MLLT3: variants seen among roughly 807,000 people sequenced by gnomAD.
MLLT3 encodes protein AF-9.
In MLLT3, 4 loss-of-function variants were observed where a neutral mutation model predicts 53.2. The ratio of observed to expected loss-of-function variants is 0.08; its 90% CI spans 0.04 to 0.17. The LOEUF (loss-of-function observed/expected upper bound fraction) is 0.17. Among genes scored for constraint, MLLT3 ranks in the 10% least tolerant of loss-of-function variants. MLLT3 has a pLI of 1.00. For missense variants in MLLT3, 569 were observed against 684.0 expected (o/e 0.83, Z 1.87); for synonymous variants, 283 against 230.6 (o/e 1.23, Z -2.06).
chr9:20,377,743 T>C (rs929569129), intron 5 of MLLT3, among the ~76,000 whole-genome samples: 2 of 152,152 alleles, frequency 1.3e-5, no homozygotes, highest in East Asian at 1.9e-4. Flanking sequence ...TTTACTATCA[T>C]GGCAGTGGCA....
At chr9:20,502,493 G>A (rs1825272210) in intron 2 of MLLT3, among the ~76,000 whole-genome samples, 1 of 152,124 alleles carries the variant, frequency 6.6e-6, no homozygotes, top group Admixed American at 6.5e-5. Context: ...TTCCACATCT[G>A]TGGATTCAAC....
At chr9:20,494,733 T>C (rs1825033704) in intron 2 of MLLT3, among the ~76,000 whole-genome samples, 1 of 152,170 alleles carries the variant, frequency 6.6e-6, no homozygotes, top group African/African-American at 2.4e-5. Flanking sequence ...ACCACGGACA[T>C]TTTCTCAATA....
chr9:20,440,342 T>C (rs889556923), intron 4 of MLLT3, among the ~76,000 whole-genome samples: 3 of 152,124 alleles, frequency 2.0e-5, no homozygotes, highest in Admixed American at 6.5e-5. Flanking sequence ...CCCCTGAAAA[T>C]GAACCACATA....
At chr9:20,468,594 T>C (rs1323253695) in intron 2 of MLLT3, among the ~76,000 whole-genome samples, 1 of 152,228 alleles carries the variant, frequency 6.6e-6, no homozygotes, top group East Asian at 1.9e-4. Flanking sequence ...AGTCCTGTGA[T>C]GCAGTAAAAG....
Position 20,569,894 on chromosome 9 carries a change from T to C in MLLT3, c.193+50760A>G, listed in dbSNP as rs1819485012. Among the ~76,000 whole-genome samples, 3 of 152,182 alleles carry C rather than the reference T, an allele frequency of 2.0e-5. No homozygotes were observed. In the South Asian group the frequency reaches 6.2e-4, roughly 31 times the overall value. On this transcript the variant is annotated intron_variant, in intron 2 of 10. Coordinates refer to ENST00000380338, the MANE Select transcript of MLLT3 (RefSeq NM_004529.4). Reference sequence around the variant, plus strand: ...TCCCCACCTAATGCGCTGTGGTCTGTACCTGCAAACATCCTTTCTCCTCCA... The same window carrying C: ...TCCCCACCTAATGCGCTGTGGTCTGCACCTGCAAACATCCTTTCTCCTCCA...
chr9:20,395,240 T>C (rs1822293157), intron 5 of MLLT3, among the ~76,000 whole-genome samples: 1 of 152,198 alleles, frequency 6.6e-6, no homozygotes, highest in African/African-American at 2.4e-5. Context: ...ATACTGGGTA[T>C]TTCAAATGGG....
chr9:20,605,660 A>T (rs1337114343), intron 2 of MLLT3, among the ~76,000 whole-genome samples: 1 of 152,078 alleles, frequency 6.6e-6, no homozygotes, highest in Non-Finnish European at 1.5e-5. Context: ...ACATAATTCC[A>T]ATCATGTTTA....
chr9:20,612,668 GA>G (rs1820730333), intron 2 of MLLT3, among the ~76,000 whole-genome samples: 1 of 151,820 alleles, frequency 6.6e-6, no homozygotes, highest in African/African-American at 2.4e-5. Context: ...AGTCAATAAA[GA>G]GGAAATCAAA....
intron 5 of MLLT3, among the ~76,000 whole-genome samples, chr9:20,380,965 G>T (rs1256188772): frequency 6.6e-6 from 1 of 151,970 alleles, no homozygotes; most frequent in African/African-American, 2.4e-5. Context: ...CTGAGAATGG[G>T]CTGAGCAATG....
intron 6 of MLLT3, among the ~76,000 whole-genome samples, chr9:20,365,295 A>G (rs528685837): frequency 1.3e-5 from 2 of 152,200 alleles, no homozygotes; most frequent in Non-Finnish European, 2.9e-5. Flanking sequence ...ATAAAACAGT[A>G]TAAGGTGATA....
Position 20,448,072 on chromosome 9 carries a change from G to C in MLLT3, c.420+51C>G. 3.8e-6 allele frequency: 5 copies of C among 1,331,336 alleles called. No homozygotes were observed. The highest frequency in any genetic ancestry group is 5.1e-6 in the Non-Finnish European group (5 of 978,592). The allele number at this position is 1,331,336 out of a possible 1,614,324, so 82.5% of individuals were successfully genotyped here. ...AACTAGTTTGTTTGTTTTTTTTTTT[G>C]TTGTTGTTGTTTTTTAATAGGAATG... On this transcript the variant is annotated intron_variant, in intron 4 of 10. Transcript: ENST00000380338. This position sits in a 1 kb window ranked among gnomAD's most constrained non-coding sequence, Gnocchi z 4.0.
At chr9:20,508,434 A>G (rs924444275) in intron 2 of MLLT3, among the ~76,000 whole-genome samples, 10 of 152,188 alleles carry the variant, frequency 6.6e-5, no homozygotes, top group African/African-American at 2.4e-4. Context: ...CGCAGTGCCA[A>G]CACTATCATC....
chr9:20,521,129 T>C (rs188719151), intron 2 of MLLT3, among the ~76,000 whole-genome samples: 7 of 151,886 alleles, frequency 4.6e-5, no homozygotes, highest in African/African-American at 7.2e-5. Flanking sequence ...TGGAGCACAA[T>C]GGGCGATCTC....
chr9:20,465,252 G>A (rs1368608965), intron 2 of MLLT3, among the ~76,000 whole-genome samples: 2 of 152,106 alleles, frequency 1.3e-5, no homozygotes, highest in East Asian at 3.8e-4. Context: ...TACAAAAAGA[G>A]ATAATGTTCA....
chr9:20,357,512 G>T (rs553944414), intron 8 of MLLT3, among the ~76,000 whole-genome samples: 1 of 152,168 alleles, frequency 6.6e-6, no homozygotes, highest in Non-Finnish European at 1.5e-5. Context: ...AAAATGTCTT[G>T]ACAAACGTTC....
At chr9:20,539,590 T>C (rs1366584768) in intron 2 of MLLT3, among the ~76,000 whole-genome samples, 1 of 152,106 alleles carries the variant, frequency 6.6e-6, no homozygotes, top group Non-Finnish European at 1.5e-5. Flanking sequence ...ACTGACTCAC[T>C]ATCACAGGAA....
At chr9:20,375,591 A>ATTTTTTT (rs111532941) in intron 5 of MLLT3, among the ~76,000 whole-genome samples, 1 of 126,142 alleles carries the variant, frequency 7.9e-6, no homozygotes, top group African/African-American at 3.8e-5. Context: ...TATTTCAGTA[A>ATTTTTTT]TTTTTTTTTT....
At chr9:20,516,573 T>A (rs1226308091) in intron 2 of MLLT3, among the ~76,000 whole-genome samples, 3 of 152,246 alleles carry the variant, frequency 2.0e-5, no homozygotes, top group African/African-American at 4.8e-5. Context: ...ATTTGCAATG[T>A]TGAGCAGAAA....
intron 2 of MLLT3, among the ~76,000 whole-genome samples, chr9:20,565,132 G>GTTT (rs200465264): frequency 6.8e-6 from 1 of 146,614 alleles, no homozygotes; most frequent in African/African-American, 2.5e-5. Flanking sequence ...TGACTGATAT[G>GTTT]TTTTTTTTTT....
Sources: gnomAD v4.1 joint callset for allele counts (sites outside exome capture counted in the v4.1 genomes callset) on GRCh38, gnomAD v4.1.1 for gene constraint, Gnocchi (gnomAD v3.1) non-coding constraint, MANE v1.5 for transcripts, NCBI Gene and HGNC (gene_info 2026-07-23, HGNC 2026-07-21) for gene names.